The following ADAMTS20 variants were observed in gnomAD, a reference collection of about 807,000 sequenced individuals.
ADAMTS20 encodes ADAM metallopeptidase with thrombospondin type 1 motif 20, also known as A disintegrin and metalloproteinase with thrombospondin motifs 20.
Under a neutral mutation model 260.1 loss-of-function variants are expected in ADAMTS20, and 225 were observed. That is an observed-to-expected ratio of 0.87 (90% confidence interval 0.78 to 0.97). ADAMTS20 has a LOEUF of 0.97. Ranked by LOEUF, ADAMTS20 falls within the 50% of genes least tolerant of loss-of-function variation. ADAMTS20 has a pLI of 0.00. For missense variants in ADAMTS20, 2,400 were observed against 2,337.7 expected (o/e 1.03, Z -0.55); for synonymous variants, 802 against 769.5 (o/e 1.04, Z -0.70).
At chr12:43,490,974 C>T (rs1942591322) in intron 6 of ADAMTS20, among the ~76,000 whole-genome samples, 1 of 151,908 alleles carries the variant, frequency 6.6e-6, no homozygotes, top group Non-Finnish European at 1.5e-5. Context: ...CTTTTAACTA[C>T]AATCCAAGGA....
chr12:43,482,154 G>A lies in ADAMTS20; in HGVS notation c.1117+8241C>T, dbSNP rs537535596. Among the ~76,000 whole-genome samples the A allele has an allele frequency of 3.9e-5, 6 of 152,168 alleles. No individual in the cohort carries two copies. The South Asian group carries it at 8.3e-4, about 21-fold the overall frequency. ...GCCATTTCTGATCCATTCTCACAAC[G>A]AACCTCGCAAAAGTTGGCCAGCTAA... is the stretch of plus-strand genomic sequence containing the variant. On this transcript the variant is annotated intron_variant, in intron 7 of 38. Transcript: ENST00000389420.
intron 3 of ADAMTS20, among the ~76,000 whole-genome samples, chr12:43,523,257 A>C (rs1943095890): frequency 6.6e-6 from 1 of 152,238 alleles, no homozygotes; most frequent in African/African-American, 2.4e-5. Context: ...ATATAAAAGT[A>C]GGAGAGGGAG....
intron 10 of ADAMTS20, among the ~76,000 whole-genome samples, chr12:43,463,511 T>C (rs1942101800): frequency 6.6e-6 from 1 of 152,184 alleles, no homozygotes; most frequent in Non-Finnish European, 1.5e-5. Flanking sequence ...CAGAGAGTCA[T>C]ACGAGCTATA....
At chr12:43,502,559 A>G (rs1942784406) in intron 3 of ADAMTS20, among the ~76,000 whole-genome samples, 154 bp from the exon 4 acceptor site, 1 of 152,176 alleles carries the variant, frequency 6.6e-6, no homozygotes, top group Admixed American at 6.5e-5. Context: ...TTAAAATAGT[A>G]TTGTACAGCA....
intron 4 of ADAMTS20, 81 bp from the exon 5 acceptor site, chr12:43,493,334 T>C (rs1942633532): frequency 9.9e-7 from 1 of 1,015,192 alleles, no homozygotes. Context: ...TCACAGAGTA[T>C]CAATTCTCTA....
chr12:43,441,917 T>C (rs1296451453), intron 16 of ADAMTS20, among the ~76,000 whole-genome samples: 2 of 152,210 alleles, frequency 1.3e-5, no homozygotes, highest in Non-Finnish European at 2.9e-5. Flanking sequence ...ACTGTCTTTA[T>C]GTATTACGCT....
At chr12:43,529,031 T>C (rs1034702624) in intron 3 of ADAMTS20, among the ~76,000 whole-genome samples, 1 of 152,016 alleles carries the variant, frequency 6.6e-6, no homozygotes, top group Non-Finnish European at 1.5e-5. Context: ...GATATACAAA[T>C]GGCCAAACAT....
Position 43,503,969 on chromosome 12 carries a change from G to C in ADAMTS20, c.614-1564C>G, listed in dbSNP as rs571042716. Among the ~76,000 whole-genome samples, 6 of 152,168 alleles carry C rather than the reference G, an allele frequency of 3.9e-5. No individual in the cohort carries two copies. The East Asian group carries it at 9.6e-4, about 24-fold the overall frequency. On this transcript the variant is annotated intron_variant, in intron 3 of 38. Coordinates refer to ENST00000389420, the MANE Select transcript of ADAMTS20 (RefSeq NM_025003.5). ...TTCTTTATCTAGTCTGTCACCGATG[G>C]GCATTTAGGTTGGTTCCATGTCTTT...
intron 7 of ADAMTS20, among the ~76,000 whole-genome samples, chr12:43,484,774 A>C (rs1475904514): frequency 4.6e-5 from 7 of 152,180 alleles, no homozygotes; most frequent in African/African-American, 1.4e-4. Context: ...ATTTGAGGGA[A>C]TAACTGAGGA....
At chr12:43,421,183 AT>A (rs765099894) in intron 28 of ADAMTS20, among the ~76,000 whole-genome samples, 2 of 145,416 alleles carry the variant, frequency 1.4e-5, no homozygotes, top group Non-Finnish European at 3.0e-5. Context: ...TACAGTATAT[AT>A]TTTTTTCTGC....
chr12:43,424,787 G>A (rs559995046), intron 28 of ADAMTS20, among the ~76,000 whole-genome samples: 13 of 151,788 alleles, frequency 8.6e-5, no homozygotes, highest in Admixed American at 7.2e-4. Flanking sequence ...ATTTCCATTA[G>A]AACAGTAGTA....
At chr12:43,527,188 C>G (rs1943154761) in intron 3 of ADAMTS20, among the ~76,000 whole-genome samples, 1 of 152,076 alleles carries the variant, frequency 6.6e-6, no homozygotes, top group Admixed American at 6.6e-5. Context: ...AAAACTGAAT[C>G]AGTAATTTTA....
chr12:43,506,589 C>A (rs1416874356), intron 3 of ADAMTS20, among the ~76,000 whole-genome samples: 3 of 151,932 alleles, frequency 2.0e-5, no homozygotes, highest in African/African-American at 7.3e-5. Context: ...AAGCAATTCT[C>A]CTGCCTCGGC....
chr12:43,371,333 T>A (rs372937667), intron 36 of ADAMTS20, among the ~76,000 whole-genome samples: 4 of 152,214 alleles, frequency 2.6e-5, no homozygotes, highest in Non-Finnish European at 4.4e-5. Context: ...GACTTTTAAT[T>A]CAACAGATAC....
intron 29 of ADAMTS20, 33 bp downstream of exon 29, chr12:43,399,032 AT>A (rs1449339320): frequency 8.1e-7 from 1 of 1,241,928 alleles, no homozygotes; most frequent in African/African-American, 1.6e-5. Flanking sequence ...ATACAAAAAA[AT>A]ACATATATAA....
At chr12:43,452,453 A>G in intron 13 of ADAMTS20, 43 bp from the exon 14 acceptor site, 2 of 1,606,918 alleles carry the variant, frequency 1.2e-6, no homozygotes, top group Non-Finnish European at 1.7e-6. Context: ...TATAATAATA[A>G]AGCTATGTGT....
chr12:43,544,588 A>G (rs1185707677), intron 2 of ADAMTS20, among the ~76,000 whole-genome samples: 1 of 152,176 alleles, frequency 6.6e-6, no homozygotes, highest in Admixed American at 6.5e-5. Flanking sequence ...ATCAGGGGAA[A>G]AGGAAGGCAG....
chr12:43,403,586 AC>A (rs1168290724), intron 28 of ADAMTS20, among the ~76,000 whole-genome samples: 1 of 152,128 alleles, frequency 6.6e-6, no homozygotes, highest in Non-Finnish European at 1.5e-5. Context: ...ACTATAAAAT[AC>A]CTATTTCATA....
chr12:43,384,780 T>C (rs1940435461), intron 29 of ADAMTS20, among the ~76,000 whole-genome samples: 1 of 152,218 alleles, frequency 6.6e-6, no homozygotes, highest in Admixed American at 6.5e-5. Context: ...GCAAAGGACA[T>C]GAACTCATCC....
Sources: gnomAD v4.1 joint callset for allele counts (sites outside exome capture counted in the v4.1 genomes callset) on GRCh38, gnomAD v4.1.1 for gene constraint, MANE v1.5 for transcripts, NCBI Gene and HGNC (gene_info 2026-07-23, HGNC 2026-07-21) for gene names.